Variants in GALNTL6 observed in about 807,000 individuals in gnomAD.
The protein encoded by GALNTL6 is polypeptide N-acetylgalactosaminyltransferase-like 6.
GALNTL6 carries 46 observed loss-of-function variants against 73.7 expected under a neutral mutation model. The observed-to-expected ratio is 0.62, with a 90% CI of 0.49 to 0.80. The LOEUF (loss-of-function observed/expected upper bound fraction) is 0.80. GALNTL6 is among the 30% of genes least tolerant of loss of function. GALNTL6 has a pLI of 0.00. For synonymous variants in GALNTL6, 259 were observed against 263.7 expected (o/e 0.98, Z 0.17); for missense variants, 604 against 755.0 (o/e 0.80, Z 2.34).
At chr4:172,195,156 G>A (rs892126937) in intron 2 of GALNTL6, among the ~76,000 whole-genome samples, 3 of 151,906 alleles carry the variant, frequency 2.0e-5, no homozygotes, top group Non-Finnish European at 4.4e-5. Context: ...CCTAATTACT[G>A]ACAAAACAGC....
At chr4:171,852,702 T>C (rs1231946861) in intron 2 of GALNTL6, among the ~76,000 whole-genome samples, 1 of 152,138 alleles carries the variant, frequency 6.6e-6, no homozygotes, top group Non-Finnish European at 1.5e-5. Flanking sequence ...GTCAGTGATA[T>C]GTTAAAGTTG....
At chr4:172,051,482 T>C (rs1308527036) in intron 2 of GALNTL6, among the ~76,000 whole-genome samples, 1 of 152,010 alleles carries the variant, frequency 6.6e-6, no homozygotes, top group East Asian at 1.9e-4. Flanking sequence ...GAGGGGGAGC[T>C]GGAATGGGGA....
chr4:172,114,631 C>T (rs62331103), intron 2 of GALNTL6, among the ~76,000 whole-genome samples: 5,931 of 152,122 alleles, frequency 0.039, 207 homozygotes, highest in Non-Finnish European at 0.058. Flanking sequence ...TACGTCGGCA[C>T]TGTGAGGCCC....
Position 172,426,064 on chromosome 4 carries a change from G to T in GALNTL6, c.553+77375G>T, listed in dbSNP as rs550827528. ...AGGATTTTATATTTATCACATGGTGGCATGTGTTTTCAGACAACAAATAAT... is the reference window on the plus strand; with the variant it reads ...AGGATTTTATATTTATCACATGGTGTCATGTGTTTTCAGACAACAAATAAT... On this transcript the variant is annotated intron_variant, in intron 5 of 12. Coordinates refer to ENST00000506823, the MANE Select transcript of GALNTL6 (RefSeq NM_001034845.3). Among the ~76,000 whole-genome samples, 4 of 152,026 alleles carry T rather than the reference G, an allele frequency of 2.6e-5. 1 individual carries two copies. In the South Asian group the frequency reaches 8.3e-4, roughly 32 times the overall value.
At chr4:172,982,850 C>T (rs1055471674) in intron 10 of GALNTL6, among the ~76,000 whole-genome samples, 14 of 151,658 alleles carry the variant, frequency 9.2e-5, no homozygotes, top group African/African-American at 3.4e-4. Context: ...GGTATAAATC[C>T]AATGAAAAGA....
intron 3 of GALNTL6, among the ~76,000 whole-genome samples, chr4:172,285,661 C>G (rs1739220017): frequency 1.3e-5 from 2 of 152,108 alleles, no homozygotes; most frequent in African/African-American, 4.8e-5. Flanking sequence ...CAGGGAGTCT[C>G]CCTGAATCAC....
At chr4:172,551,683 G>A (rs974500138) in intron 5 of GALNTL6, among the ~76,000 whole-genome samples, 3 of 152,136 alleles carry the variant, frequency 2.0e-5, no homozygotes, top group African/African-American at 7.2e-5. Context: ...TAATTTGGTA[G>A]GAGGAATGCT....
At chr4:172,137,766 T>A (rs910836687) in intron 2 of GALNTL6, among the ~76,000 whole-genome samples, 1 of 152,206 alleles carries the variant, frequency 6.6e-6, no homozygotes, top group Non-Finnish European at 1.5e-5. Flanking sequence ...ATCTACTCAT[T>A]CAAATTGATT....
intron 2 of GALNTL6, among the ~76,000 whole-genome samples, chr4:171,964,847 G>A (rs543020265): frequency 7.2e-5 from 11 of 152,222 alleles, no homozygotes; most frequent in Non-Finnish European, 5.9e-5. Flanking sequence ...TTCCTCTTTC[G>A]CAGAGGCAGC....
chr4:171,957,347 A>G (rs1457335251), intron 2 of GALNTL6, among the ~76,000 whole-genome samples: 2 of 152,240 alleles, frequency 1.3e-5, no homozygotes, highest in East Asian at 1.9e-4. Flanking sequence ...AAAAGCATAT[A>G]TTTATAATTG....
intron 5 of GALNTL6, among the ~76,000 whole-genome samples, chr4:172,787,853 G>T (rs56069434): frequency 0.44 from 67,556 of 151,982 alleles, 17,492 homozygotes; most frequent in East Asian, 0.72. Flanking sequence ...GGAGGTCACC[G>T]CAACAGCAAT....
intron 5 of GALNTL6, among the ~76,000 whole-genome samples, chr4:172,694,231 C>T (rs990947151): frequency 3.3e-5 from 5 of 151,942 alleles, no homozygotes; most frequent in African/African-American, 9.7e-5. Context: ...CACCCATCAA[C>T]CCATCATCTA....
At chr4:172,604,039 T>C (rs1329955850) in intron 5 of GALNTL6, among the ~76,000 whole-genome samples, 1 of 152,232 alleles carries the variant, frequency 6.6e-6, no homozygotes, top group Non-Finnish European at 1.5e-5. Flanking sequence ...ATTAGTACTA[T>C]AAATAGAAGC....
At chr4:172,950,404 G>C (rs17059041) in intron 9 of GALNTL6, among the ~76,000 whole-genome samples, 6,989 of 152,236 alleles carry the variant, frequency 0.046, 377 homozygotes, top group African/African-American at 0.13. Context: ...AACACAGAGG[G>C]AACTGAGAAA....
intron 5 of GALNTL6, among the ~76,000 whole-genome samples, chr4:172,522,671 C>A (rs1008097051): frequency 8.0e-5 from 5 of 62,614 alleles, no homozygotes; most frequent in South Asian, 9.4e-4. Context: ...TCAGTCCCCC[C>A]CCCCCCCAAA....
chr4:171,854,601 G>A (rs936656262), intron 2 of GALNTL6, among the ~76,000 whole-genome samples: 1 of 152,106 alleles, frequency 6.6e-6, no homozygotes, highest in African/African-American at 2.4e-5. Flanking sequence ...ACATAGCATG[G>A]ACTAGATTAC....
intron 5 of GALNTL6, among the ~76,000 whole-genome samples, chr4:172,421,745 A>C (rs1731057783): frequency 2.6e-5 from 4 of 152,130 alleles, no homozygotes; most frequent in Admixed American, 6.6e-5. Context: ...TTGAAATAAT[A>C]ATGAGGAACA....
At chr4:172,822,398 G>A (rs1242285583) in intron 7 of GALNTL6, among the ~76,000 whole-genome samples, 3 of 152,114 alleles carry the variant, frequency 2.0e-5, no homozygotes, top group African/African-American at 7.2e-5. Context: ...GGTGAGACCT[G>A]TTCATCCATC....
At chr4:172,708,413 C>G (rs766795755) in intron 5 of GALNTL6, among the ~76,000 whole-genome samples, 2 of 152,166 alleles carry the variant, frequency 1.3e-5, no homozygotes, top group Non-Finnish European at 2.9e-5. Flanking sequence ...CATTTCTCTA[C>G]CAATGTCTGA....
Sources: gnomAD v4.1 joint callset for allele counts (sites outside exome capture counted in the v4.1 genomes callset) on GRCh38, gnomAD v4.1.1 for gene constraint, MANE v1.5 for transcripts, NCBI Gene and HGNC (gene_info 2026-07-23, HGNC 2026-07-21) for gene names.